GRAMD1B: variants seen among roughly 807,000 people sequenced by gnomAD.
GRAMD1B encodes the protein protein Aster-B.
A neutral mutation model predicts 99.7 loss-of-function variants in GRAMD1B; 37 were observed. The observed-to-expected ratio is 0.37, with a 90% CI of 0.29 to 0.49. The LOEUF (loss-of-function observed/expected upper bound fraction) is 0.49. Among genes scored for constraint, GRAMD1B ranks in the 20% least tolerant of loss-of-function variants. GRAMD1B has a pLI of 0.98. For missense variants in GRAMD1B, 888 were observed against 1,009.2 expected (o/e 0.88, Z 1.63); for synonymous variants, 427 against 387.6 (o/e 1.10, Z -1.19).
rs1017062051 is a variant in GRAMD1B at position 123,624,193 on chromosome 11, A to C, written c.*1598A>C. On this transcript the variant is annotated 3_prime_UTR_variant, in exon 20 of 20. Coordinates refer to ENST00000635736, the MANE Select transcript of GRAMD1B (RefSeq NM_001387025.1). ...TTATTCTTCTCCTGGGCTTCTTGAC[A>C]CAGGGGCAGAAGAAACCCCAGATGT... The C allele has an allele frequency of 6.6e-6, 1 of 152,230 alleles. No homozygotes were observed. The highest frequency in any genetic ancestry group is 1.5e-5 in the Non-Finnish European group (1 of 68,036). The allele number at this position is 152,230 out of a possible 1,614,324, so 9.4% of individuals were successfully genotyped here.
At chr11:123,408,779 C>T (rs1385050428) in intron 1 of GRAMD1B, among the ~76,000 whole-genome samples, 2 of 152,212 alleles carry the variant, frequency 1.3e-5, no homozygotes, top group Non-Finnish European at 1.5e-5. Context: ...CTCTAAATTG[C>T]GCTAAGCATG....
rs796317168 is a variant in GRAMD1B at position 123,587,105 on chromosome 11, T to G, written c.684+2773T>G. Among the ~76,000 whole-genome samples the G allele has an allele frequency of 2.7e-4, 41 of 152,286 alleles. No individual in the cohort carries two copies. Among genetic ancestry groups the G allele is most frequent in the African/African-American group, 9.4e-4 (39 of 41,572 alleles). On this transcript the variant is annotated intron_variant, in intron 4 of 19. Coordinates refer to ENST00000635736, the MANE Select transcript of GRAMD1B (RefSeq NM_001387025.1). This position sits in a 1 kb window ranked among gnomAD's most constrained non-coding sequence, Gnocchi z 4.2. ...AACCAGTCCATGCCCCAGCCTCCCC[T>G]TCACCTGCTGCCTCTCTGCAGAAGA...
At chr11:123,588,280 G>GT (rs1950268073) in intron 4 of GRAMD1B, among the ~76,000 whole-genome samples, 1 of 151,918 alleles carries the variant, frequency 6.6e-6, no homozygotes, top group African/African-American at 2.4e-5. Context: ...CCAGCTCCTG[G>GT]TGTTTGCCGT....
intron 1 of GRAMD1B, among the ~76,000 whole-genome samples, chr11:123,434,230 CAAAAAA>C (rs33942028): frequency 5.5e-5 from 4 of 73,008 alleles, no homozygotes; most frequent in African/African-American, 1.6e-4. Flanking sequence ...ACTCCGTTTC[CAAAAAA>C]AAAAAAAAAA....
chr11:123,412,059 TAC>T (rs1418127219), intron 1 of GRAMD1B, among the ~76,000 whole-genome samples: 1 of 152,234 alleles, frequency 6.6e-6, no homozygotes, highest in Non-Finnish European at 1.5e-5. Context: ...TACATATACA[TAC>T]ACAGAGATAC....
chr11:123,408,377 C>A (rs568483270), intron 1 of GRAMD1B, among the ~76,000 whole-genome samples: 1 of 152,164 alleles, frequency 6.6e-6, no homozygotes, highest in Non-Finnish European at 1.5e-5. Flanking sequence ...GGCTGATAAC[C>A]CCCCTCACCC....
intron 1 of GRAMD1B, among the ~76,000 whole-genome samples, chr11:123,387,311 C>T (rs1020242876): frequency 6.6e-6 from 1 of 152,168 alleles, no homozygotes; most frequent in Non-Finnish European, 1.5e-5. Flanking sequence ...CCTGGAGTCA[C>T]GGCTCGCAGT....
chr11:123,417,706 AG>A (rs955256980), intron 1 of GRAMD1B, among the ~76,000 whole-genome samples: 5 of 152,116 alleles, frequency 3.3e-5, no homozygotes, highest in African/African-American at 1.2e-4. Context: ...GGAGGCCAAG[AG>A]GGGCGGGTCA....
chr11:123,391,594 T>C (rs1042450967), intron 1 of GRAMD1B, among the ~76,000 whole-genome samples: 1 of 152,144 alleles, frequency 6.6e-6, no homozygotes, highest in Admixed American at 6.6e-5. Flanking sequence ...GTAGCTGGGA[T>C]TACAGGTGAC....
chr11:123,584,270 T>G, intron 3 of GRAMD1B, 42 bp from the exon 4 acceptor site: 1 of 1,039,510 alleles, frequency 9.6e-7, no homozygotes, highest in African/African-American at 1.8e-5. Flanking sequence ...CCCCATTTCT[T>G]CCCTGACTAA....
intron 1 of GRAMD1B, among the ~76,000 whole-genome samples, chr11:123,476,104 ACTT>A (rs1161448005): frequency 3.0e-5 from 4 of 135,124 alleles, no homozygotes; most frequent in African/African-American, 6.6e-5. Flanking sequence ...CATCCATTTA[ACTT>A]CTTTTTTTTT....
At chr11:123,618,107 G>T (rs561545530) in intron 17 of GRAMD1B, among the ~76,000 whole-genome samples, 1 of 152,306 alleles carries the variant, frequency 6.6e-6, no homozygotes, top group Non-Finnish European at 1.5e-5. Context: ...AGGTTGGGTT[G>T]GTAGGGGGAG....
At chr11:123,560,709 TG>T in intron 2 of GRAMD1B, 1 of 447,006 alleles carries the variant, frequency 2.2e-6, no homozygotes. Context: ...TGTGTGTGTG[TG>T]TGTGTGTGTG....
intron 3 of GRAMD1B, among the ~76,000 whole-genome samples, chr11:123,582,532 G>A (rs902140999): frequency 6.6e-6 from 1 of 152,144 alleles, no homozygotes; most frequent in Non-Finnish European, 1.5e-5. Flanking sequence ...CCTTGCAGAG[G>A]GGGACTGGGA....
intron 2 of GRAMD1B, among the ~76,000 whole-genome samples, chr11:123,572,667 A>G (rs1289793975): frequency 6.6e-6 from 1 of 151,762 alleles, no homozygotes; most frequent in Non-Finnish European, 1.5e-5. Flanking sequence ...CCATCAGGTA[A>G]TTGGAGGGAG....
chr11:123,359,374 C>T (rs998767539), intron 1 of GRAMD1B, among the ~76,000 whole-genome samples: 3 of 112,734 alleles, frequency 2.7e-5, no homozygotes, highest in African/African-American at 4.6e-5. Context: ...CTCTGCTTCT[C>T]GTTTCCTCTG....
chr11:123,562,491 G>A (rs572543189), intron 2 of GRAMD1B, among the ~76,000 whole-genome samples: 5 of 152,302 alleles, frequency 3.3e-5, no homozygotes, highest in South Asian at 2.1e-4. Flanking sequence ...ATTTATGAAC[G>A]AACGAGCATG....
chr11:123,573,258 AT>A, intron 2 of GRAMD1B, among the ~76,000 whole-genome samples: 1 of 152,344 alleles, frequency 6.6e-6, no homozygotes, highest in African/African-American at 2.4e-5. Flanking sequence ...GAGTGAGATA[AT>A]TGAGGAACAT....
At chr11:123,432,583 G>A (rs1048605213) in intron 1 of GRAMD1B, among the ~76,000 whole-genome samples, 1 of 151,076 alleles carries the variant, frequency 6.6e-6, no homozygotes, top group Non-Finnish European at 1.5e-5. Flanking sequence ...TTGAAGACCT[G>A]TGGGAGCCAT....
Sources: allele counts gnomAD v4.1 joint callset (sites outside exome capture counted in the v4.1 genomes callset), GRCh38; gene constraint gnomAD v4.1.1; non-coding constraint Gnocchi (gnomAD v3.1); transcripts MANE v1.5; gene names NCBI Gene and HGNC (gene_info 2026-07-23, HGNC 2026-07-21).